The following FAM210A variants were observed in gnomAD, a reference collection of about 807,000 sequenced individuals.
FAM210A encodes mitochondrial inner membrane scaffold 1.
A neutral mutation model predicts 25.3 loss-of-function variants in FAM210A; 13 were observed. That is an observed-to-expected ratio of 0.51 (90% CI 0.33 to 0.82). The LOEUF (loss-of-function observed/expected upper bound fraction) is 0.82. Among genes scored for constraint, FAM210A ranks in the 40% least tolerant of loss-of-function variants. The pLI is 0.02. For missense variants in FAM210A, 319 were observed against 323.2 expected, an observed-to-expected ratio of 0.99 and a Z score of 0.10; for synonymous variants, 125 against 118.7, an observed-to-expected ratio of 1.05 and a Z score of -0.35.
At chr18:13,701,493 T>C (rs2043739747) in intron 1 of FAM210A, among the ~76,000 whole-genome samples, 1 of 152,190 alleles carries the variant, frequency 6.6e-6, no homozygotes, top group Non-Finnish European at 1.5e-5. Flanking sequence ...TCTACCCCTT[T>C]GTTTCATTTT....
rs1555788360 is a variant in FAM210A at position 13,665,409 on chromosome 18, C to CAAAAAAAAAAAAAAAAAAAAAAAAAAAAA, written c.*1070_*1071insTTTTTTTTTTTTTTTTTTTTTTTTTTTTT. The stretch of plus-strand genomic sequence containing the variant: ...AAAAAAAAAAAAAAAAAAAAAAAAT[C>CAAAAAAAAAAAAAAAAAAAAAAAAAAAAA]AAGTAGAATGCTCAAACAAGGATAT... On this transcript the variant is annotated 3_prime_UTR_variant, in exon 4 of 4. Coordinates refer to ENST00000651643, the MANE Select transcript of FAM210A (RefSeq NM_152352.4). 1.1e-5 allele frequency: 1 copy of CAAAAAAAAAAAAAAAAAAAAAAAAAAAAA among 89,634 alleles called. No individual in the cohort carries two copies. The highest frequency in any genetic ancestry group is 2.6e-5 in the Non-Finnish European group (1 of 38,904). The allele number at this position is 89,634 out of a possible 1,614,324, so 5.6% of individuals were successfully genotyped here.
chr18:13,705,788 T>C (rs1040117189), intron 1 of FAM210A, among the ~76,000 whole-genome samples: 1 of 152,208 alleles, frequency 6.6e-6, no homozygotes, highest in Non-Finnish European at 1.5e-5. Context: ...AATAATTTCA[T>C]AACCAATGTT....
intron 1 of FAM210A, among the ~76,000 whole-genome samples, chr18:13,688,238 A>C (rs1263803074): frequency 1.3e-5 from 2 of 152,170 alleles, no homozygotes; most frequent in African/African-American, 2.4e-5. Context: ...AGAACTTCCA[A>C]ACGTGTGTGC....
At chr18:13,674,761 G>GCCT in intron 2 of FAM210A, among the ~76,000 whole-genome samples, 2 of 28,010 alleles carry the variant, frequency 7.1e-5, no homozygotes, top group Admixed American at 4.8e-4. Context: ...CCTGAGCCCC[G>GCCT]ACTTTATTTC....
intron 1 of FAM210A, among the ~76,000 whole-genome samples, chr18:13,725,342 T>G (rs2043931614): frequency 6.6e-6 from 1 of 152,222 alleles, no homozygotes; most frequent in African/African-American, 2.4e-5. Flanking sequence ...GTCATCCTTA[T>G]TTGTGAAAAA....
chr18:13,680,359 G>T (rs1409732379), intron 2 of FAM210A, among the ~76,000 whole-genome samples: 8 of 152,064 alleles, frequency 5.3e-5, no homozygotes, highest in Non-Finnish European at 1.0e-4. Context: ...AGAATCTTCT[G>T]CAAGGAAAGA....
chr18:13,667,507 T>C (rs1183422775), intron 3 of FAM210A, among the ~76,000 whole-genome samples: 1 of 151,970 alleles, frequency 6.6e-6, no homozygotes, highest in Non-Finnish European at 1.5e-5. Context: ...TCACCTGAGT[T>C]CAGGAGTTCA....
chr18:13,723,820 C>A (rs1486915372), intron 1 of FAM210A, among the ~76,000 whole-genome samples: 1 of 152,138 alleles, frequency 6.6e-6, no homozygotes, highest in African/African-American at 2.4e-5. Context: ...ACCTTTTAAA[C>A]AATAATATTT....
intron 2 of FAM210A, among the ~76,000 whole-genome samples, chr18:13,680,321 G>T (rs868278490): frequency 6.6e-6 from 1 of 151,990 alleles, no homozygotes; most frequent in Admixed American, 6.6e-5. Context: ...AATAAACCAA[G>T]AAACAATTCC....
chr18:13,718,726 T>C (rs942213537), intron 1 of FAM210A, among the ~76,000 whole-genome samples: 1 of 152,172 alleles, frequency 6.6e-6, no homozygotes, highest in African/African-American at 2.4e-5. Context: ...TGCTTAGCAA[T>C]AGGAATTTAC....
chr18:13,707,137 A>G (rs1356222612), intron 1 of FAM210A, among the ~76,000 whole-genome samples: 1 of 152,256 alleles, frequency 6.6e-6, no homozygotes, highest in African/African-American at 2.4e-5. Context: ...AGGACACCAT[A>G]ACCTATAAAT....
intron 2 of FAM210A, among the ~76,000 whole-genome samples, chr18:13,674,194 C>T (rs2043471862): frequency 6.9e-6 from 1 of 145,034 alleles, no homozygotes; most frequent in Non-Finnish European, 1.5e-5. Context: ...TTCTTTATTT[C>T]CTGTTTCCTG....
At chr18:13,716,013 A>G (rs2043859107) in intron 1 of FAM210A, among the ~76,000 whole-genome samples, 1 of 152,226 alleles carries the variant, frequency 6.6e-6, no homozygotes, top group African/African-American at 2.4e-5. Flanking sequence ...GCCACTACAC[A>G]CAGCTGCCTA....
intron 1 of FAM210A, chr18:13,710,480 G>A (rs1284211): frequency 0.53 from 80,213 of 152,034 alleles, 21,721 homozygotes; most frequent in East Asian, 0.86. Flanking sequence ...TACCGTGCCC[G>A]GCCTAAATGT....
intron 2 of FAM210A, among the ~76,000 whole-genome samples, chr18:13,673,608 T>C (rs1023942928): frequency 1.9e-4 from 28 of 151,348 alleles, no homozygotes; most frequent in African/African-American, 6.6e-4. Flanking sequence ...CCGTGACTTA[T>C]TTCCAGTTTC....
rs550355311 is a variant in FAM210A at position 13,689,859 on chromosome 18, C to T, written c.-28-7754G>A. ...AGTCTGCAGCTCCCAGCATGAGTGACGCAGAAGACGGGTGATTTCTGCATT... is the reference window on the plus strand; with the variant it reads ...AGTCTGCAGCTCCCAGCATGAGTGATGCAGAAGACGGGTGATTTCTGCATT... On this transcript the variant is annotated intron_variant, in intron 1 of 3. Coordinates refer to ENST00000651643, the MANE Select transcript of FAM210A (RefSeq NM_152352.4). Among the ~76,000 whole-genome samples the T allele has an allele frequency of 2.6e-5, 4 of 152,292 alleles. No individual in the cohort carries two copies. In the South Asian group the frequency reaches 6.2e-4, roughly 24 times the overall value.
chr18:13,708,063 C>T (rs563501024), intron 1 of FAM210A, among the ~76,000 whole-genome samples: 2 of 152,336 alleles, frequency 1.3e-5, no homozygotes, highest in African/African-American at 4.8e-5. Context: ...GTTTCATCTT[C>T]TCATTTTGCT....
At chr18:13,709,951 T>C (rs890711275) in intron 1 of FAM210A, among the ~76,000 whole-genome samples, 6 of 152,244 alleles carry the variant, frequency 3.9e-5, no homozygotes, top group African/African-American at 1.4e-4. Flanking sequence ...GCTGACTCCA[T>C]CTTGCTGCTA....
At chr18:13,692,645 C>T (rs2043656609) in intron 1 of FAM210A, among the ~76,000 whole-genome samples, 1 of 152,226 alleles carries the variant, frequency 6.6e-6, no homozygotes, top group Non-Finnish European at 1.5e-5. Context: ...TCCTGAATGA[C>T]TACTGGATAC....
Sources: gnomAD v4.1 joint callset for allele counts (sites outside exome capture counted in the v4.1 genomes callset) on GRCh38, gnomAD v4.1.1 for gene constraint, MANE v1.5 for transcripts, NCBI Gene and HGNC (gene_info 2026-07-23, HGNC 2026-07-21) for gene names.